The following DYNC2I1 variants were observed in gnomAD, a reference collection of about 807,000 sequenced individuals.
DYNC2I1 encodes the protein cytoplasmic dynein 2 intermediate chain 1.
In DYNC2I1, 89 loss-of-function variants were observed where a neutral mutation model predicts 133.4. The ratio of observed to expected loss-of-function variants is 0.67; its 90% CI spans 0.56 to 0.80. DYNC2I1 has a LOEUF of 0.80. Among genes scored for constraint, DYNC2I1 ranks in the 30% least tolerant of loss-of-function variants. The pLI is 0.00. For missense variants in DYNC2I1, 1,291 were observed against 1,314.5 expected (o/e 0.98, Z 0.28); for synonymous variants, 504 against 484.3 (o/e 1.04, Z -0.54).
intron 3 of DYNC2I1, among the ~76,000 whole-genome samples, chr7:158,872,496 A>G (rs556895057): frequency 6.6e-6 from 1 of 151,864 alleles, no homozygotes; most frequent in East Asian, 2.0e-4. Context: ...TAAGCCAGGC[A>G]TGGTGGCGTG....
intron 23 of DYNC2I1, among the ~76,000 whole-genome samples, chr7:158,940,207 T>C (rs1478241683): frequency 2.0e-5 from 3 of 152,168 alleles, no homozygotes; most frequent in African/African-American, 7.2e-5. Context: ...AACTGGGGAT[T>C]TGGGGGACAG....
chr7:158,919,151 T>C (rs1440033187), intron 15 of DYNC2I1, among the ~76,000 whole-genome samples: 2 of 152,228 alleles, frequency 1.3e-5, no homozygotes, highest in African/African-American at 2.4e-5. Flanking sequence ...AGATTTTCTA[T>C]GTGTTTGAAA....
intron 21 of DYNC2I1, among the ~76,000 whole-genome samples, chr7:158,932,078 T>C (rs542197249): frequency 3.9e-5 from 6 of 152,288 alleles, no homozygotes; most frequent in African/African-American, 1.4e-4. Flanking sequence ...CAGAATCACG[T>C]GGCTGGGACT....
rs1005121236 is a variant in DYNC2I1, at chr7:158,926,602, G to A, written c.2433+139G>A. 1.2e-5 allele frequency: 11 copies of A among 951,850 alleles called. No homozygotes were observed. The Admixed American group carries it at 2.6e-4, about 22-fold the overall frequency. 59.0% of individuals were successfully genotyped at this position (951,850 alleles called of 1,614,324 possible). On this transcript the variant is annotated intron_variant, in intron 19 of 24. Coordinates refer to ENST00000407559, the MANE Select transcript of DYNC2I1 (RefSeq NM_018051.5). ...GAGCAAGACTGGGCTTCTTGGTCCT[G>A]AGCAGAAGGGATGCAGAAGGCCACA...
chr7:158,902,050 A>G (rs2129483569), intron 9 of DYNC2I1, among the ~76,000 whole-genome samples: 1 of 152,374 alleles, frequency 6.6e-6, no homozygotes, highest in East Asian at 1.9e-4. Context: ...ATTTAAGTGC[A>G]GTGCATAAAA....
At position 158,908,832 on chromosome 7, in the gene DYNC2I1, A is replaced by G. The variant is rs1261848603; in HGVS notation, c.1461-2718A>G. On this transcript the variant is annotated intron_variant, in intron 11 of 24. Transcript: ENST00000407559. ...GGTGGCTCAAGGTAGAGAGGTAGAAAAGTAATGTGTTTGCTTGTTTTCTCT... is the reference window on the plus strand; with the variant it reads ...GGTGGCTCAAGGTAGAGAGGTAGAAGAGTAATGTGTTTGCTTGTTTTCTCT... Among the ~76,000 whole-genome samples, 36 of 152,146 alleles carry G rather than the reference A, an allele frequency of 2.4e-4. 1 individual carries two copies. Among genetic ancestry groups the G allele is most frequent in the Admixed American group, 2.4e-3 (36 of 15,276 alleles).
At chr7:158,884,506 G>A (rs1844400555) in intron 5 of DYNC2I1, 58 bp from the exon 6 acceptor site, 6 of 1,528,212 alleles carry the variant, frequency 3.9e-6, no homozygotes, top group Non-Finnish European at 5.3e-6. Context: ...TACTAATTAT[G>A]CTTACTTCAT....
At chr7:158,906,119 G>A (rs760054406) in intron 11 of DYNC2I1, 28 bp downstream of exon 11, 4 of 1,580,620 alleles carry the variant, frequency 2.5e-6, no homozygotes, top group Middle Eastern at 1.7e-4. Flanking sequence ...GCAGCCAAAG[G>A]TGTTCAGGGT....
At position 158,863,356 on chromosome 7, in the gene DYNC2I1, A is replaced by T. The variant is rs898675109; in HGVS notation, c.16-6499A>T. On this transcript the variant is annotated intron_variant, in intron 1 of 24. Coordinates refer to ENST00000407559, the MANE Select transcript of DYNC2I1 (RefSeq NM_018051.5). ...ACAGAGTCCTGATTGGTGTGTTTAC[A>T]GTCCTTTAGCTGGACAGAAAAGTTC... Among the ~76,000 whole-genome samples, 4 of 152,238 alleles carry T rather than the reference A, an allele frequency of 2.6e-5. 1 individual carries two copies. The highest frequency in any genetic ancestry group is 2.0e-4 in the Admixed American group (3 of 15,288).
intron 1 of DYNC2I1, 85 bp downstream of exon 1, chr7:158,856,835 C>T: frequency 5.8e-6 from 7 of 1,212,730 alleles, no homozygotes; most frequent in African/African-American, 1.6e-5. Flanking sequence ...CCGCCGCCCT[C>T]CCTTTGCGCA....
chr7:158,886,946 G>T (rs1030082835), intron 6 of DYNC2I1, 75 bp from the exon 7 acceptor site: 1 of 1,373,328 alleles, frequency 7.3e-7, no homozygotes. Context: ...AGCTTTCACT[G>T]ATATGGAAAA....
intron 6 of DYNC2I1, among the ~76,000 whole-genome samples, chr7:158,885,148 C>G (rs1844466579): frequency 6.6e-6 from 1 of 152,092 alleles, no homozygotes; most frequent in African/African-American, 2.4e-5. Flanking sequence ...CTGTTTATCA[C>G]TTGTGAACAC....
At chr7:158,883,754 C>G (rs1479006346) in intron 5 of DYNC2I1, among the ~76,000 whole-genome samples, 1 of 147,676 alleles carries the variant, frequency 6.8e-6, no homozygotes, top group East Asian at 2.0e-4. Flanking sequence ...AGCTCCGCCT[C>G]CCGGGTTCAC....
intron 1 of DYNC2I1, among the ~76,000 whole-genome samples, chr7:158,861,452 G>A (rs1043784927): frequency 2.0e-5 from 3 of 152,002 alleles, no homozygotes; most frequent in Non-Finnish European, 4.4e-5. Context: ...GCTGTTTCCC[G>A]TCCCGCCTGC....
intron 14 of DYNC2I1, among the ~76,000 whole-genome samples, chr7:158,917,206 C>T (rs530989094): frequency 4.3e-4 from 62 of 142,940 alleles, no homozygotes; most frequent in South Asian, 1.5e-3. Flanking sequence ...AACGTCGACA[C>T]GCTGGTTGAG....
intron 23 of DYNC2I1, among the ~76,000 whole-genome samples, chr7:158,940,716 A>G (rs1387815884): frequency 1.3e-5 from 2 of 152,214 alleles, no homozygotes; most frequent in Admixed American, 6.5e-5. Context: ...GAAATTAAAC[A>G]TCTTCCTGAA....
intron 2 of DYNC2I1, 45 bp from the exon 3 acceptor site, chr7:158,871,097 A>G: frequency 1.3e-6 from 2 of 1,561,410 alleles, no homozygotes; most frequent in South Asian, 2.4e-5. Context: ...TCTAATGGAA[A>G]TCTGCCTTCC....
chr7:158,942,398 C>T (rs908802934), intron 24 of DYNC2I1, among the ~76,000 whole-genome samples: 10 of 152,230 alleles, frequency 6.6e-5, no homozygotes, highest in African/African-American at 9.6e-5. Flanking sequence ...GCCGGAGGCA[C>T]GTGCGGTGCA....
chr7:158,842,921 A>G, the DYNC2I1 span, among the ~76,000 whole-genome samples: 2 of 152,246 alleles, frequency 1.3e-5, no homozygotes, highest in South Asian at 4.1e-4. Flanking sequence ...AGCACAGAGT[A>G]TTAGTAGATG....
Sources: gnomAD v4.1 joint callset for allele counts (sites outside exome capture counted in the v4.1 genomes callset) on GRCh38, gnomAD v4.1.1 for gene constraint, MANE v1.5 for transcripts, NCBI Gene and HGNC (gene_info 2026-07-23, HGNC 2026-07-21) for gene names.